The following SLC4A5 variants were observed in gnomAD, a reference collection of about 807,000 sequenced individuals.
SLC4A5 encodes the protein solute carrier family 4 member 5.
SLC4A5 carries 96 observed loss-of-function variants against 120.4 expected under a neutral mutation model. The ratio of observed to expected loss-of-function variants is 0.80; its 90% CI spans 0.68 to 0.94. SLC4A5 has a LOEUF of 0.94. SLC4A5 is among the 40% of genes least tolerant of loss of function. SLC4A5 has a pLI of 0.00. For synonymous variants in SLC4A5, 550 were observed against 571.1 expected (o/e 0.96, Z 0.53); for missense variants, 1,259 against 1,459.5 (o/e 0.86, Z 2.24).
At position 74,314,910 on chromosome 2, in the gene SLC4A5, C is replaced by T. The variant is rs1672915744; in HGVS notation, c.79+35G>A. 5.7e-6 allele frequency: 9 copies of T among 1,583,712 alleles called. No homozygotes were observed. The East Asian group carries it at 2.0e-4, about 35-fold the overall frequency. On this transcript the variant is annotated intron_variant, in intron 6 of 30. Transcript: ENST00000394019. Reference sequence around the variant, plus strand: ...ACATTCAGAGAATTCTCAGTGCCTCCTGAGATTTGCATCAAGTCCTCAAAG... The same window carrying T: ...ACATTCAGAGAATTCTCAGTGCCTCTTGAGATTTGCATCAAGTCCTCAAAG...
chr2:74,264,128 A>G lies in SLC4A5; in HGVS notation c.715+19T>C. On this transcript the variant is annotated intron_variant, in intron 10 of 30. Transcript: ENST00000394019. The stretch of plus-strand genomic sequence containing the variant: ...TGGCCCTGCATGTCCCATGCCTACC[A>G]GCGTAAGGCCTGACTCACTTGTGGT... 2 of 1,609,752 alleles carry G rather than the reference A, an allele frequency of 1.2e-6. No homozygotes were observed. Among genetic ancestry groups the G allele is most frequent in the Non-Finnish European group, 1.7e-6 (2 of 1,178,030 alleles).
At chr2:74,231,281 G>A (rs1670072062) in exon 25 of SLC4A5, 1 of 1,612,690 alleles carries the variant, frequency 6.2e-7, no homozygotes, top group Non-Finnish European at 8.5e-7. Flanking sequence ...TCAGGATGAA[G>A]ACGATGATGC....
rs115281491 is a variant in SLC4A5, at chr2:74,260,236, C to T, written c.812-593G>A. Among the ~76,000 whole-genome samples, 1,229 of 152,286 alleles carry T rather than the reference C, an allele frequency of 8.1e-3. 17 individuals are homozygous for T. The highest frequency in any genetic ancestry group is 0.028 in the African/African-American group (1,154 of 41,542). On this transcript the variant is annotated intron_variant, in intron 11 of 30. Coordinates refer to ENST00000394019, the Ensembl canonical transcript of SLC4A5. ...TCCCACTAGCCCAATCTGGTGGACA[C>T]CCTCAGACCTATCGTGTCTCGGCTA...
At chr2:74,233,852 G>C (rs1049816636) in intron 22 of SLC4A5, among the ~76,000 whole-genome samples, 1 of 152,198 alleles carries the variant, frequency 6.6e-6, no homozygotes, top group Non-Finnish European at 1.5e-5. Context: ...CCAGGAGAGA[G>C]AGCACAGTCA....
At chr2:74,340,139 T>A (rs1673592984) in intron 2 of SLC4A5, among the ~76,000 whole-genome samples, 1 of 152,200 alleles carries the variant, frequency 6.6e-6, no homozygotes. Context: ...TACAGAACAA[T>A]GTGAATATAA....
intron 4 of SLC4A5, among the ~76,000 whole-genome samples, chr2:74,332,154 T>G (rs1673378618): frequency 6.6e-6 from 1 of 152,226 alleles, no homozygotes; most frequent in South Asian, 2.1e-4. Context: ...ATTTCTCATT[T>G]GATTCTAAGC....
In SLC4A5 at chr2:74,297,389, C is replaced by T. The variant is rs180808009; in HGVS notation, c.271+7100G>A. Among the ~76,000 whole-genome samples, 4 of 152,246 alleles carry T rather than the reference C, an allele frequency of 2.6e-5. No homozygotes were observed. In the East Asian group the frequency reaches 7.7e-4, roughly 29 times the overall value. On this transcript the variant is annotated intron_variant, in intron 7 of 30. Coordinates refer to ENST00000394019, the Ensembl canonical transcript of SLC4A5. ...CGATCTGGTTTTAGCACTGAAAGTC[C>T]TTCCTCCCTCATCCTGGGACAAGTC...
chr2:74,236,879 G>A (rs1378657846), intron 21 of SLC4A5, among the ~76,000 whole-genome samples: 1 of 151,904 alleles, frequency 6.6e-6, no homozygotes, highest in Non-Finnish European at 1.5e-5. Context: ...CCAACATCTG[G>A]TGTCCCAAGA....
Position 74,242,131 on chromosome 2 carries a change from C to T in SLC4A5, c.2060-79G>A, listed in dbSNP as rs1014474401. On this transcript the variant is annotated intron_variant, in intron 19 of 30. Transcript: ENST00000394019. ...TGCATTCCCAACCCCTTCCCATCTC[C>T]TTCCAGTTCCTTAGAGCCAAGGCCT... 3 of 1,329,090 alleles carry T rather than the reference C, an allele frequency of 2.3e-6. No individual in the cohort carries two copies. The African/African-American group carries it at 4.4e-5, about 19-fold the overall frequency. 82.3% of individuals were successfully genotyped at this position (1,329,090 alleles called of 1,614,324 possible). A position where few individuals can be genotyped will look rare whatever the true frequency, so the allele number is the denominator to read the frequency against.
intron 4 of SLC4A5, among the ~76,000 whole-genome samples, chr2:74,330,980 G>T (rs1221294617): frequency 1.3e-5 from 2 of 148,700 alleles, no homozygotes; most frequent in Non-Finnish European, 3.0e-5. Context: ...TGGTGGTGAG[G>T]TCTAGATGGA....
chr2:74,281,402 G>A (rs1266918414), intron 8 of SLC4A5, among the ~76,000 whole-genome samples: 1 of 152,194 alleles, frequency 6.6e-6, no homozygotes, highest in Non-Finnish European at 1.5e-5. Flanking sequence ...GCAGAGGTGG[G>A]CATGAGAGAG....
rs140323922 is a variant in SLC4A5 at position 74,330,300 on chromosome 2, A to G, written c.-69-2114T>C. Among the ~76,000 whole-genome samples the G allele has an allele frequency of 3.0e-3, 439 of 146,122 alleles. 3 individuals carry two copies. Among genetic ancestry groups the G allele is most frequent in the African/African-American group, 0.011 (431 of 38,872 alleles). On this transcript the variant is annotated intron_variant, in intron 4 of 30. Coordinates refer to ENST00000394019, the Ensembl canonical transcript of SLC4A5. ...AGATGGAGGAGTGTGGTGTAGGTGT[A>G]GGTGGTGAGGTATAGGTGAGGGTGG...
At chr2:74,220,710 G>A (rs983033437) in intron 30 of SLC4A5, among the ~76,000 whole-genome samples, 1 of 150,452 alleles carries the variant, frequency 6.6e-6, no homozygotes, top group Non-Finnish European at 1.5e-5. Flanking sequence ...TAGAGACAGG[G>A]TTTCACCATG....
At chr2:74,242,342 A>T (rs1395984817) in intron 19 of SLC4A5, among the ~76,000 whole-genome samples, 1 of 152,232 alleles carries the variant, frequency 6.6e-6, no homozygotes, top group African/African-American at 2.4e-5. Flanking sequence ...ACAAAGTGCT[A>T]AGACAAACTG....
At chr2:74,273,725 C>T (rs1434916980) in intron 8 of SLC4A5, among the ~76,000 whole-genome samples, 1 of 152,224 alleles carries the variant, frequency 6.6e-6, no homozygotes, top group Non-Finnish European at 1.5e-5. Context: ...AATTTCCCAA[C>T]AGATACTGAA....
rs35627197 is a variant in SLC4A5 at position 74,305,721 on chromosome 2, C to CTT, written c.80-1043_80-1042dup. Among the ~76,000 whole-genome samples, 633 of 115,336 alleles carry CTT rather than the reference C, an allele frequency of 5.5e-3. 22 individuals carry two copies. Among genetic ancestry groups the CTT allele is most frequent in the African/African-American group, 0.019 (449 of 23,912 alleles). The allele number at this position is 115,336 out of a possible 152,430, so 75.7% of individuals were successfully genotyped here. On this transcript the variant is annotated intron_variant, in intron 6 of 30. Transcript: ENST00000394019. ...CCTCCCTCCAACTCCCTTTTCTTTCCTTTTTTTTTTTTTTTTTTTTTGAGA... is the reference window on the plus strand; with the variant it reads ...CCTCCCTCCAACTCCCTTTTCTTTCCTTTTTTTTTTTTTTTTTTTTTTTGAGA...
Position 74,255,972 on chromosome 2 carries a change from C to A in SLC4A5, c.868-40G>T. 6.2e-7 allele frequency: 1 copy of A among 1,603,506 alleles called. No individual in the cohort carries two copies. Among genetic ancestry groups the A allele is most frequent in the South Asian group, 1.1e-5 (1 of 90,420 alleles). On this transcript the variant is annotated intron_variant, in intron 12 of 30. Transcript: ENST00000394019. This position sits in a 1 kb window ranked among gnomAD's most constrained non-coding sequence, Gnocchi z 4.0. ...GAAACGAGATAGCCAAGGAGACTCC[C>A]ACCTGCTCTCACTCCCTCACTCCCC...
intron 14 of SLC4A5, 131 bp from the exon 15 acceptor site, chr2:74,253,259 T>G: frequency 9.1e-7 from 1 of 1,098,044 alleles, no homozygotes; most frequent in Non-Finnish European, 1.3e-6. Context: ...TCTCAGTTTT[T>G]GGAATGAGAC....
chr2:74,227,650 T>C (rs1694894631), intron 26 of SLC4A5, 160 bp downstream of exon 26: 3 of 1,215,662 alleles, frequency 2.5e-6, no homozygotes, highest in Non-Finnish European at 3.5e-6. Flanking sequence ...TTTTGCCTGA[T>C]AGCATCAGTA....
Sources: gnomAD v4.1 joint callset for allele counts (sites outside exome capture counted in the v4.1 genomes callset) on GRCh38, gnomAD v4.1.1 for gene constraint, Gnocchi (gnomAD v3.1) non-coding constraint, MANE v1.5 for transcripts, NCBI Gene and HGNC (gene_info 2026-07-23, HGNC 2026-07-21) for gene names.